Variants in SNAP47 observed in about 807,000 individuals in gnomAD.
SNAP47 encodes synaptosomal-associated protein 47.
In SNAP47, 20 loss-of-function variants were observed where a neutral mutation model predicts 31.4. The observed-to-expected ratio is 0.64, with a 90% confidence interval of 0.45 to 0.93. The LOEUF (loss-of-function observed/expected upper bound fraction) is 0.93, where lower values mean the gene tolerates loss of function less well. Ranked by LOEUF, SNAP47 falls within the 40% of genes least tolerant of loss-of-function variation. The pLI, the probability that SNAP47 is intolerant of heterozygous loss-of-function variation, is 0.00. For missense variants in SNAP47, 492 were observed against 528.5 expected, an observed-to-expected ratio of 0.93 and a Z score of 0.68; for synonymous variants, 194 against 213.4, an observed-to-expected ratio of 0.91 and a Z score of 0.79.
chr1:227,729,103 C>T (rs1660481875), intron 1 of SNAP47, among the ~76,000 whole-genome samples: 1 of 152,250 alleles, frequency 6.6e-6, no homozygotes, highest in Non-Finnish European at 1.5e-5. Flanking sequence ...TTTCCTCTAG[C>T]TTCAGGACAG....
intron 4 of SNAP47, among the ~76,000 whole-genome samples, chr1:227,780,309 G>A (rs1415274688): frequency 6.6e-6 from 1 of 152,212 alleles, no homozygotes; most frequent in East Asian, 1.9e-4. Flanking sequence ...GCTGGCAGGA[G>A]GTGGGGCAGG....
Position 227,780,640 on chromosome 1 carries a change from C to A in SNAP47, c.1227C>A (p.Asp409Glu). 2 of 1,614,210 alleles carry A rather than the reference C, an allele frequency of 1.2e-6. No individual in the cohort carries two copies. The highest frequency in any genetic ancestry group is 1.3e-5 in the African/African-American group (1 of 75,060). The change falls in exon 5 of 5, where the codon GAC (aspartate) becomes GAA (glutamate). Residue 409 changes from aspartate to glutamate, a missense_variant. Physicochemically the swap from Asp to Glu is conservative, Grantham distance 45. Coordinates refer to ENST00000617596, the MANE Select transcript of SNAP47 (RefSeq NM_053052.4). Reference protein sequence around the residue: ...AAVDRATLTIDKHNRRMKRLT With the variant: ...AAVDRATLTIEKHNRRMKRLT ...TGGACAGGGCAACCTTGACCATCGACAAGCACAACAGGCGGATGAAGAGGC... is the reference window on the plus strand; with the variant it reads ...TGGACAGGGCAACCTTGACCATCGAAAAGCACAACAGGCGGATGAAGAGGC...
chr1:227,764,990 A>G (rs1290151874), intron 3 of SNAP47, among the ~76,000 whole-genome samples: 2 of 152,204 alleles, frequency 1.3e-5, no homozygotes, highest in East Asian at 3.8e-4. Context: ...CAAGAGGATC[A>G]CTCGAGCCAG....
chr1:227,771,883 C>T (rs374632370), intron 4 of SNAP47, among the ~76,000 whole-genome samples: 72 of 152,280 alleles, frequency 4.7e-4, no homozygotes, highest in Admixed American at 3.3e-3. Flanking sequence ...GGGAAACTAC[C>T]GGTGCAAAGG....
rs1661838478 is a variant in SNAP47, at chr1:227,744,663, CAG to C, written c.-45-3023_-45-3022del. 2.0e-5 allele frequency among the ~76,000 whole-genome samples: 3 copies of C among 149,496 alleles called. No homozygotes were observed. In the Admixed American group the frequency reaches 2.0e-4, roughly 10 times the overall value. On this transcript the variant is annotated intron_variant, in intron 1 of 4. Transcript: ENST00000617596. ...GCCAGCTCTGTTCAGATACTAAAAA[CAG>C]AGAGACCAATGGCAGATCCTGGGTG...
intron 3 of SNAP47, among the ~76,000 whole-genome samples, chr1:227,765,465 C>A (rs1663335060): frequency 6.6e-6 from 1 of 152,196 alleles, no homozygotes; most frequent in South Asian, 2.1e-4. Context: ...CAGAGAAGGG[C>A]TCCTCAGTGA....
Position 227,762,457 on chromosome 1 carries a change from A to T in SNAP47, c.988+2972A>T, listed in dbSNP as rs77679738. Among the ~76,000 whole-genome samples the T allele has an allele frequency of 2.6e-5, 4 of 152,090 alleles. No individual in the cohort carries two copies. Among genetic ancestry groups the T allele is most frequent in the African/African-American group, 9.7e-5 (4 of 41,416 alleles). On this transcript the variant is annotated intron_variant, in intron 3 of 4. Coordinates refer to ENST00000617596, the MANE Select transcript of SNAP47 (RefSeq NM_053052.4). This position sits in a 1 kb window ranked among gnomAD's most constrained non-coding sequence, Gnocchi z 4.2. Reference sequence around the variant, plus strand: ...TGCCTGCCGCCTGCTGCTGTTGTCCATGCGTAGGCACAGGGACTCTGTGCC... The same window carrying T: ...TGCCTGCCGCCTGCTGCTGTTGTCCTTGCGTAGGCACAGGGACTCTGTGCC...
chr1:227,740,329 A>G (rs1163579904), intron 1 of SNAP47, among the ~76,000 whole-genome samples: 1 of 152,196 alleles, frequency 6.6e-6, no homozygotes, highest in Non-Finnish European at 1.5e-5. Flanking sequence ...CCAAGTACAC[A>G]GGGAAAGGCT....
intron 4 of SNAP47, among the ~76,000 whole-genome samples, chr1:227,773,882 C>T (rs977594420): frequency 2.6e-5 from 4 of 152,238 alleles, no homozygotes; most frequent in African/African-American, 9.6e-5. Flanking sequence ...AGGATGCATC[C>T]ACATCATTAG....
intron 1 of SNAP47, among the ~76,000 whole-genome samples, chr1:227,736,754 T>C (rs1055827661): frequency 6.1e-5 from 9 of 147,604 alleles, no homozygotes; most frequent in African/African-American, 2.5e-5. Context: ...ACGTTTGGGC[T>C]CAAGCAATCC....
chr1:227,736,568 T>G (rs1259663699), intron 1 of SNAP47: 2 of 131,386 alleles, frequency 1.5e-5, no homozygotes, highest in East Asian at 5.2e-4. Context: ...CATCACAGCT[T>G]ACTGCAGCTT....
At chr1:227,759,639 A>G in intron 3 of SNAP47, 154 bp downstream of exon 3, 1 of 900,724 alleles carries the variant, frequency 1.1e-6, no homozygotes. Context: ...ATACATAAAA[A>G]CAATTCCAGA....
chr1:227,736,428 C>T (rs1457463705), intron 1 of SNAP47: 1 of 151,422 alleles, frequency 6.6e-6, no homozygotes, highest in Non-Finnish European at 1.5e-5. Context: ...AAGGGAGTTC[C>T]CCACACTATC....
At chr1:227,739,241 A>G (rs1217430110) in intron 1 of SNAP47, among the ~76,000 whole-genome samples, 1 of 152,050 alleles carries the variant, frequency 6.6e-6, no homozygotes. Context: ...GCTCACTGCA[A>G]CCTCTGCCTT....
At chr1:227,731,641 C>T (rs946217931), upstream of SNAP47, 2 of 152,838 alleles carry the variant, frequency 1.3e-5, no homozygotes, top group African/African-American at 4.8e-5. Context: ...CCCACACCTC[C>T]ATCATACCCA....
upstream of SNAP47, chr1:227,733,217 C>A: frequency 1.2e-6 from 1 of 856,220 alleles, no homozygotes; most frequent in South Asian, 1.8e-5. Context: ...CCACAGTGAA[C>A]CCAGAGCAAG....
intron 2 of SNAP47, among the ~76,000 whole-genome samples, chr1:227,754,324 C>T (rs1440746013): frequency 3.3e-5 from 5 of 152,234 alleles, no homozygotes; most frequent in African/African-American, 9.6e-5. Flanking sequence ...ACCTGTGTGT[C>T]TGCCTGCTAG....
At chr1:227,744,997 G>T (rs1661869727) in intron 1 of SNAP47, among the ~76,000 whole-genome samples, 1 of 152,238 alleles carries the variant, frequency 6.6e-6, no homozygotes, top group Non-Finnish European at 1.5e-5. Context: ...TGTATTGTCG[G>T]TGAGAGGAAG....
upstream of SNAP47, chr1:227,731,214 CAG>C (rs1230529251): frequency 6.6e-6 from 1 of 152,370 alleles, no homozygotes; most frequent in African/African-American, 2.4e-5. Flanking sequence ...ATTCATTCGA[CAG>C]ACACATATGA....
Sources: allele counts gnomAD v4.1 joint callset (sites outside exome capture counted in the v4.1 genomes callset), GRCh38; gene constraint gnomAD v4.1.1; non-coding constraint Gnocchi (gnomAD v3.1); transcripts MANE v1.5; gene names NCBI Gene and HGNC (gene_info 2026-07-23, HGNC 2026-07-21).